The following OVCH1 variants were observed in gnomAD, a reference collection of about 807,000 sequenced individuals.
The protein encoded by OVCH1 is ovochymase 1, also known as ovochymase-1.
In OVCH1, 139 loss-of-function variants were observed where a neutral mutation model predicts 138.4. The ratio of observed to expected loss-of-function variants is 1.00; its 90% CI spans 0.87 to 1.16. OVCH1 has a LOEUF of 1.16. Ranked by LOEUF, OVCH1 falls within the 50% of genes most tolerant of loss-of-function variation. The pLI is 0.00. For missense variants in OVCH1, 1,367 were observed against 1,357.9 expected (o/e 1.01, Z -0.11); for synonymous variants, 453 against 467.8 (o/e 0.97, Z 0.41).
intron 25 of OVCH1, chr12:29,440,663 A>G (rs1941460687): frequency 4.4e-6 from 2 of 454,192 alleles, no homozygotes; most frequent in Non-Finnish European, 8.8e-6. Context: ...TAGATACTGC[A>G]GTCTCCCCAC....
At chr12:29,405,040 A>C in the OVCH1 span, among the ~76,000 whole-genome samples, 6 of 148,894 alleles carry the variant, frequency 4.0e-5, no homozygotes, top group East Asian at 3.9e-4. Context: ...AAAAAAAAAA[A>C]AAAAAAAAAA....
chr12:29,479,824 CTTTT>C (rs34551074), intron 8 of OVCH1, among the ~76,000 whole-genome samples: 15 of 128,406 alleles, frequency 1.2e-4, no homozygotes, highest in African/African-American at 3.9e-4. Flanking sequence ...TCTTTTTTTT[CTTTT>C]TTTTTTTTTT....
rs760769350 is a variant in OVCH1 at position 29,462,026 on chromosome 12, A to G, written c.2126-18T>C. ...GCCACCATCTAATGAAGAAACATTC[A>G]GAGAGAGCTCGATGATGAAGTAAGC... On this transcript the variant is annotated intron_variant, in intron 18 of 27. Transcript: ENST00000318184. 2.5e-6 allele frequency: 4 copies of G among 1,606,922 alleles called. No homozygotes were observed. The highest frequency in any genetic ancestry group is 3.4e-6 in the Non-Finnish European group (4 of 1,174,552).
chr12:29,440,101 C>G (rs1941447588), intron 25 of OVCH1, among the ~76,000 whole-genome samples: 1 of 152,162 alleles, frequency 6.6e-6, no homozygotes, highest in Admixed American at 6.5e-5. Context: ...TTTCCAGTCC[C>G]TCTCCCCTAC....
chr12:29,451,898 C>T (rs954558886), intron 21 of OVCH1, among the ~76,000 whole-genome samples: 3 of 152,200 alleles, frequency 2.0e-5, no homozygotes, highest in Non-Finnish European at 2.9e-5. Flanking sequence ...AGCTGAAGAC[C>T]TGTTCCTCAA....
At chr12:29,414,108 C>G (rs1439634936) in intron 3 of OVCH1, among the ~76,000 whole-genome samples, 1 of 150,654 alleles carries the variant, frequency 6.6e-6, no homozygotes, top group Non-Finnish European at 1.5e-5. Context: ...CAACCTCTAC[C>G]TCCACCTTCC....
chr12:29,407,719 A>G (rs999907274), downstream of OVCH1, among the ~76,000 whole-genome samples: 11 of 151,964 alleles, frequency 7.2e-5, no homozygotes, highest in Admixed American at 5.9e-4. Flanking sequence ...GCCTTGTAGT[A>G]TAGTTTGAAG....
rs537932954 is a variant in OVCH1 at position 29,442,989 on chromosome 12, C to T, written c.3157+372G>A. ...ATTAAAGTAACCAGGCTTCTAACTCCTACCAATTGATAAACTCATGTAATG... is the reference window on the plus strand; with the variant it reads ...ATTAAAGTAACCAGGCTTCTAACTCTTACCAATTGATAAACTCATGTAATG... On this transcript the variant is annotated intron_variant, in intron 25 of 27. Coordinates refer to ENST00000318184, the Ensembl canonical transcript of OVCH1. Among the ~76,000 whole-genome samples, 8 of 152,096 alleles carry T rather than the reference C, an allele frequency of 5.3e-5. No individual in the cohort carries two copies. In the Middle Eastern group the frequency reaches 0.014, roughly 260 times the overall value.
chr12:29,412,550 A>G (rs1940974122), intron 4 of OVCH1: 1 of 152,212 alleles, frequency 6.6e-6, no homozygotes, highest in Non-Finnish European at 1.5e-5. Flanking sequence ...AAAAACTGAA[A>G]GTGAACAAAC....
intron 16 of OVCH1, among the ~76,000 whole-genome samples, chr12:29,468,265 C>CT (rs1165299684): frequency 6.6e-6 from 1 of 152,142 alleles, no homozygotes; most frequent in African/African-American, 2.4e-5. Context: ...ATAACCTTCT[C>CT]TAACTGCCTT....
At chr12:29,454,803 G>A in intron 21 of OVCH1, 38 bp downstream of exon 21, 1 of 1,537,182 alleles carries the variant, frequency 6.5e-7, no homozygotes, top group Non-Finnish European at 9.0e-7. Flanking sequence ...CCAAATTCTG[G>A]CTGAAAGTAT....
At chr12:29,430,185 A>G (rs1352098891) in intron 27 of OVCH1, among the ~76,000 whole-genome samples, 1 of 152,202 alleles carries the variant, frequency 6.6e-6, no homozygotes, top group Non-Finnish European at 1.5e-5. Context: ...GACTTCTCTA[A>G]ATTTGCAAAT....
chr12:29,426,169 C>G (rs1278994758), downstream of OVCH1: 3 of 152,104 alleles, frequency 2.0e-5, no homozygotes, highest in Admixed American at 6.6e-5. Flanking sequence ...TTCTAAATCA[C>G]CACCTCCTAA....
downstream of OVCH1, among the ~76,000 whole-genome samples, chr12:29,409,857 T>C (rs1450967715): frequency 2.0e-5 from 3 of 152,142 alleles, no homozygotes; most frequent in Non-Finnish European, 4.4e-5. Flanking sequence ...AATTCCTGGG[T>C]ATCCTTGTCA....
chr12:29,479,738 TC>T (rs1942862607), intron 8 of OVCH1, among the ~76,000 whole-genome samples: 1 of 152,094 alleles, frequency 6.6e-6, no homozygotes. Context: ...TCGGAATTAG[TC>T]AAGTATTTTA....
rs766101447 is a variant in OVCH1 at position 29,477,136 on chromosome 12, CAA to C, written c.1341_1342del (p.His447GlnfsTer16). On this transcript the variant is annotated frameshift_variant, in exon 12 of 28. Transcript: ENST00000318184. LOFTEE classifies it high-confidence loss of function. ...GTGCTTCTCTGGAGCACAAATGAACCAATGACACCTTGTGTTACTGGGATACA... is the reference window on the plus strand; with the variant it reads ...GTGCTTCTCTGGAGCACAAATGAACCTGACACCTTGTGTTACTGGGATACA... 1 of 1,612,634 alleles carries C rather than the reference CAA, an allele frequency of 6.2e-7. No homozygotes were observed. Among genetic ancestry groups the C allele is most frequent in the South Asian group, 1.1e-5 (1 of 90,778 alleles).
chr12:29,428,557 A>G (rs983946227), intron 27 of OVCH1, among the ~76,000 whole-genome samples: 5 of 152,176 alleles, frequency 3.3e-5, no homozygotes, highest in African/African-American at 1.2e-4. Flanking sequence ...CATCTTAAGG[A>G]AAACCAATAG....
At chr12:29,417,355 C>G (rs961937242) in intron 3 of OVCH1, among the ~76,000 whole-genome samples, 1 of 145,512 alleles carries the variant, frequency 6.9e-6, no homozygotes, top group Admixed American at 7.1e-5. Flanking sequence ...CTCAGCTACT[C>G]GGGAGGCTGA....
chr12:29,455,546 A>G (rs1352409869), intron 19 of OVCH1, 141 bp from the exon 20 acceptor site: 1 of 995,864 alleles, frequency 1.0e-6, no homozygotes, highest in Non-Finnish European at 1.4e-6. Flanking sequence ...TTCCATCTTT[A>G]CATACTATCT....
Sources: gnomAD v4.1 joint callset for allele counts (sites outside exome capture counted in the v4.1 genomes callset) on GRCh38, gnomAD v4.1.1 for gene constraint, MANE v1.5 for transcripts, NCBI Gene and HGNC (gene_info 2026-07-23, HGNC 2026-07-21) for gene names.